DENND2A: variants seen among roughly 807,000 people sequenced by gnomAD.
The protein encoded by DENND2A is DENN domain-containing protein 2A.
A neutral mutation model predicts 105.3 loss-of-function variants in DENND2A; 53 were observed. The ratio of observed to expected loss-of-function variants is 0.50; its 90% CI spans 0.40 to 0.63. DENND2A has a LOEUF of 0.63. Ranked by LOEUF, DENND2A falls within the 30% of genes least tolerant of loss-of-function variation. The pLI, the probability that DENND2A is intolerant of heterozygous loss-of-function variation, is 0.00. For missense variants in DENND2A, 1,138 were observed against 1,279.6 expected (o/e 0.89, Z 1.69); for synonymous variants, 522 against 508.4 (o/e 1.03, Z -0.36).
intron 1 of DENND2A, among the ~76,000 whole-genome samples, chr7:140,614,446 G>T (rs1800012663): frequency 6.6e-6 from 1 of 152,124 alleles, no homozygotes; most frequent in Non-Finnish European, 1.5e-5. Context: ...TTTTTCCCAG[G>T]GGTATCCTCA....
At chr7:140,598,339 A>G (rs1038860332) in intron 3 of DENND2A, among the ~76,000 whole-genome samples, 6 of 152,224 alleles carry the variant, frequency 3.9e-5, no homozygotes, top group African/African-American at 1.4e-4. Flanking sequence ...TAACATAAAA[A>G]CATATCTCAA....
intron 3 of DENND2A, among the ~76,000 whole-genome samples, chr7:140,598,451 G>T (rs560825288): frequency 2.4e-4 from 36 of 152,312 alleles, no homozygotes; most frequent in Non-Finnish European, 4.4e-4. Context: ...ACACTGTTCG[G>T]AAGTCTCAGC....
Position 140,559,800 on chromosome 7 carries a change from C to T in DENND2A, c.1797G>A (p.Lys599=), listed in dbSNP as rs777673496. 1.9e-5 allele frequency: 31 copies of T among 1,613,848 alleles called. No homozygotes were observed. Among genetic ancestry groups the T allele is most frequent in the Non-Finnish European group, 2.6e-5 (31 of 1,179,750 alleles). ...QFPLKLERSF[K]FMREAEDQLK... ...GTTGGTCCTCAGCTTCTCTCATGAACTTGAAAGACCTTTCCAACTGCAGGG... is the reference window on the plus strand; with the variant it reads ...GTTGGTCCTCAGCTTCTCTCATGAATTTGAAAGACCTTTCCAACTGCAGGG... Residue 599 remains lysine, a synonymous_variant, in exon 10 of 20, where the codon AAG becomes AAA. Transcript: ENST00000496613. The surrounding 1 kb of genome is among the most constrained non-coding windows in gnomAD (Gnocchi z 4.1).
chr7:140,569,764 C>A, intron 6 of DENND2A, 26 bp from the exon 7 acceptor site: 1 of 1,517,508 alleles, frequency 6.6e-7, no homozygotes, highest in Non-Finnish European at 9.2e-7. Flanking sequence ...AGAAGAACAG[C>A]CAGTGTTAGC....
At chr7:140,618,582 T>C (rs1009018956) in intron 1 of DENND2A, among the ~76,000 whole-genome samples, 2 of 152,242 alleles carry the variant, frequency 1.3e-5, no homozygotes, top group African/African-American at 4.8e-5. Flanking sequence ...CTAGTGCTCC[T>C]TCGACAATAT....
chr7:140,558,176 C>T lies in DENND2A; in HGVS notation c.1926G>A (p.Gly642=), dbSNP rs200609796. The T allele has an allele frequency of 1.7e-5, 27 of 1,613,494 alleles. No homozygotes were observed. The highest frequency in any genetic ancestry group is 2.2e-5 in the Non-Finnish European group (26 of 1,179,596). The change falls in exon 11 of 20, where the codon GGG becomes GGA. Residue 642 remains glycine (G), a synonymous_variant. Transcript: ENST00000496613. The part of the protein sequence containing the change: ...TFSFVLTGED[G]SRRFGYCRRL... ...TTCGGCAGTAACCGAACCTTCTGCTCCCATCTTCTCCAGTTAAGACAAATG... is the reference window on the plus strand; with the variant it reads ...TTCGGCAGTAACCGAACCTTCTGCTTCCATCTTCTCCAGTTAAGACAAATG...
intron 8 of DENND2A, among the ~76,000 whole-genome samples, chr7:140,568,315 T>G (rs982489548): frequency 6.6e-6 from 1 of 152,218 alleles, no homozygotes; most frequent in Admixed American, 6.5e-5. Flanking sequence ...TGGCCTAGAC[T>G]ATTTAATTTT....
chr7:140,538,136 C>T (rs959972428), intron 14 of DENND2A, among the ~76,000 whole-genome samples: 2 of 152,160 alleles, frequency 1.3e-5, no homozygotes, highest in African/African-American at 4.8e-5. Context: ...ACTTAAAACC[C>T]TTTTATAACT....
intron 1 of DENND2A, among the ~76,000 whole-genome samples, chr7:140,608,568 C>A (rs747383800): frequency 6.6e-6 from 1 of 151,442 alleles, no homozygotes; most frequent in African/African-American, 2.4e-5. Context: ...CCCAGCTACT[C>A]GGGAGGCTGA....
intron 5 of DENND2A, among the ~76,000 whole-genome samples, chr7:140,576,404 TTTTA>T (rs779204472): frequency 2.0e-5 from 3 of 152,210 alleles, no homozygotes; most frequent in Admixed American, 1.3e-4. Context: ...TTTGTACACA[TTTTA>T]TTTATTATTC....
rs1418210336 is a variant in DENND2A at position 140,602,099 on chromosome 7, C to T, written c.299G>A (p.Arg100Lys). 2 of 1,614,164 alleles carry T rather than the reference C, an allele frequency of 1.2e-6. No individual in the cohort carries two copies. The highest frequency in any genetic ancestry group is 1.7e-5 in the Admixed American group (1 of 60,030). Residue 100 changes from arginine to lysine, a missense_variant, in exon 3 of 20, where the codon AGG becomes AAG. Physicochemically the swap from Arg to Lys is conservative, Grantham distance 26. Coordinates refer to ENST00000496613, the MANE Select transcript of DENND2A (RefSeq NM_015689.5). ...CTTCTCTGTGCTCTCTGTTCCTGGC[C>T]TCATTCCATTCTTAGCCTCTGTGAC... is the stretch of plus-strand genomic sequence containing the variant. Reference protein sequence around the residue: ...TQVTEAKNGMRPGTESTEKER... With the variant: ...TQVTEAKNGMKPGTESTEKER...
chr7:140,527,861 G>A lies in DENND2A; in HGVS notation c.2328-366C>T, dbSNP rs1006240268. Among the ~76,000 whole-genome samples, 4 of 151,906 alleles carry A rather than the reference G, an allele frequency of 2.6e-5. No homozygotes were observed. Among genetic ancestry groups the A allele is most frequent in the African/African-American group, 9.7e-5 (4 of 41,334 alleles). ...ATATTTTTAATTTTTTTGAGACGGAGTCTCACTCTGTTGCCCAGGCTGGGG... is the reference window on the plus strand; with the variant it reads ...ATATTTTTAATTTTTTTGAGACGGAATCTCACTCTGTTGCCCAGGCTGGGG... On this transcript the variant is annotated intron_variant, in intron 14 of 19. Coordinates refer to ENST00000496613, the MANE Select transcript of DENND2A (RefSeq NM_015689.5). This position sits in a 1 kb window ranked among gnomAD's most constrained non-coding sequence, Gnocchi z 4.9.
At chr7:140,622,233 T>C (rs1800320947) in intron 1 of DENND2A, among the ~76,000 whole-genome samples, 2 of 151,574 alleles carry the variant, frequency 1.3e-5, no homozygotes, top group Admixed American at 6.6e-5. Context: ...CCGTCTCTAC[T>C]AAAAACACAA....
rs192613819 is a variant in DENND2A, at chr7:140,601,777, G to C, written c.621C>G (p.Gly207=). 56 of 1,613,880 alleles carry C rather than the reference G, an allele frequency of 3.5e-5. No homozygotes were observed. Among genetic ancestry groups the C allele is most frequent in the Non-Finnish European group, 5.1e-6 (6 of 1,180,004 alleles). ...AGSTLPENLG[G]GSGSEVSQRV... ...TCTGGCTGACTTCTGAGCCACTCCC[G>C]CCTCCCAGGTTCTCAGGAAGGGTGG... The change falls in exon 3 of 20, where the codon GGC becomes GGG. Residue 207 remains glycine, a synonymous_variant. Transcript: ENST00000496613.
intron 1 of DENND2A, among the ~76,000 whole-genome samples, chr7:140,638,176 T>C (rs560091474): frequency 5.3e-5 from 8 of 152,300 alleles, no homozygotes; most frequent in Non-Finnish European, 1.5e-5. Flanking sequence ...GAGAATTAAT[T>C]TGTAGGCTTT....
In DENND2A at chr7:140,640,439, C is replaced by A. The variant is rs1056441516; in HGVS notation, c.-248+65G>T. On this transcript the variant is annotated intron_variant, in intron 1 of 19. Transcript: ENST00000496613. This position sits in a 1 kb window ranked among gnomAD's most constrained non-coding sequence, Gnocchi z 4.9. ...GCCGTTTCCTCCCTCCCCCGCGCGT[C>A]CCCTCCTCCGTCCCCTTTCCCTCCC... is the stretch of plus-strand genomic sequence containing the variant. The A allele has an allele frequency of 6.6e-6, 1 of 152,084 alleles. No individual in the cohort carries two copies. Among genetic ancestry groups the A allele is most frequent in the African/African-American group, 2.4e-5 (1 of 41,374 alleles). 9.4% of individuals were successfully genotyped at this position (152,084 alleles called of 1,614,324 possible).
intron 14 of DENND2A, among the ~76,000 whole-genome samples, chr7:140,540,310 C>G (rs1390338568): frequency 6.6e-6 from 1 of 152,268 alleles, no homozygotes; most frequent in East Asian, 1.9e-4. Flanking sequence ...CACAACGTGC[C>G]CGTGGGGAGA....
chr7:140,594,174 T>C (rs1472094766), intron 3 of DENND2A, among the ~76,000 whole-genome samples: 2 of 152,124 alleles, frequency 1.3e-5, no homozygotes, highest in Admixed American at 6.5e-5. Flanking sequence ...TCCCAAAATG[T>C]TGGGATTACA....
chr7:140,539,648 A>C (rs1229395031), intron 14 of DENND2A, among the ~76,000 whole-genome samples: 2 of 152,138 alleles, frequency 1.3e-5, no homozygotes, highest in Non-Finnish European at 2.9e-5. Context: ...CACGCCTGTT[A>C]GTTACCCATG....
Sources: allele counts gnomAD v4.1 joint callset (sites outside exome capture counted in the v4.1 genomes callset), GRCh38; gene constraint gnomAD v4.1.1; non-coding constraint Gnocchi (gnomAD v3.1); transcripts MANE v1.5; gene names NCBI Gene and HGNC (gene_info 2026-07-23, HGNC 2026-07-21).